The following TUBGCP3 variants were observed in gnomAD, a reference collection of about 807,000 sequenced individuals.
The protein encoded by TUBGCP3 is gamma-tubulin complex component 3.
TUBGCP3 carries 50 observed loss-of-function variants against 123.1 expected under a neutral mutation model. The ratio of observed to expected loss-of-function variants is 0.41; its 90% CI spans 0.32 to 0.51. The LOEUF is 0.51. TUBGCP3 is among the 20% of genes least tolerant of loss of function. TUBGCP3 has a pLI of 0.36. For synonymous variants in TUBGCP3, 405 were observed against 413.9 expected (o/e 0.98, Z 0.26); for missense variants, 882 against 1,127.0 (o/e 0.78, Z 3.11).
intron 9 of TUBGCP3, 35 bp from the exon 10 acceptor site, chr13:112,547,787 A>G (rs1375524859): frequency 7.1e-7 from 1 of 1,414,948 alleles, no homozygotes. Context: ...GTTTAAGTAC[A>G]AATAACCACA....
At position 112,504,180 on chromosome 13, in the gene TUBGCP3, T is replaced by TA. The variant is rs1373918321; in HGVS notation, c.2176-18dup. ...TTCAAGCACCTGGGAAACAACAATT[T>TA]AAAGACGCTAGATAAGCTCATGTCC... On this transcript the variant is annotated splice_polypyrimidine_tract_variant and intron_variant, in intron 18 of 21. Coordinates refer to ENST00000261965, the MANE Select transcript of TUBGCP3 (RefSeq NM_006322.6). 1.2e-6 allele frequency: 2 copies of TA among 1,614,032 alleles called. No homozygotes were observed.
At chr13:112,548,243 A>G (rs904425272) in intron 8 of TUBGCP3, 67 bp from the exon 9 acceptor site, 15 of 1,317,420 alleles carry the variant, frequency 1.1e-5, no homozygotes, top group Non-Finnish European at 1.6e-5. Context: ...TTTAAGTGGA[A>G]AGGTATAATG....
In TUBGCP3 at chr13:112,567,000, A is replaced by T. The variant is rs369941786; in HGVS notation, c.185-1822T>A. Reference sequence around the variant, plus strand: ...GAGCAGAGCTACCATAACTCAACTGATCTATCAACAACTGTAATCAAATTT... The same window carrying T: ...GAGCAGAGCTACCATAACTCAACTGTTCTATCAACAACTGTAATCAAATTT... On this transcript the variant is annotated intron_variant, in intron 2 of 21. Transcript: ENST00000261965. 2.6e-5 allele frequency among the ~76,000 whole-genome samples: 4 copies of T among 152,270 alleles called. No homozygotes were observed. The South Asian group carries it at 6.2e-4, about 24-fold the overall frequency.
chr13:112,572,741 T>A (rs1881511902), intron 1 of TUBGCP3, among the ~76,000 whole-genome samples: 1 of 152,054 alleles, frequency 6.6e-6, no homozygotes, highest in African/African-American at 2.4e-5. Context: ...AACAGCAGCA[T>A]CAAAGATCAC....
intron 8 of TUBGCP3, among the ~76,000 whole-genome samples, chr13:112,549,921 C>T (rs1292966969): frequency 7.6e-6 from 1 of 131,584 alleles, no homozygotes; most frequent in East Asian, 2.6e-4. Flanking sequence ...ACACAGGAGG[C>T]GGGGCTTGCA....
chr13:112,567,402 G>A (rs1307502271), intron 2 of TUBGCP3, among the ~76,000 whole-genome samples: 1 of 152,182 alleles, frequency 6.6e-6, no homozygotes, highest in East Asian at 1.9e-4. Flanking sequence ...ACGAGGCCAT[G>A]AAATGTAACT....
At chr13:112,582,554 G>A (rs369606757) in intron 1 of TUBGCP3, among the ~76,000 whole-genome samples, 73 of 152,326 alleles carry the variant, frequency 4.8e-4, no homozygotes, top group African/African-American at 1.1e-3. Context: ...AGGGAAGGGC[G>A]GCACTGGACA....
chr13:112,557,749 A>AG (rs1364650579), intron 5 of TUBGCP3, among the ~76,000 whole-genome samples: 1 of 152,226 alleles, frequency 6.6e-6, no homozygotes, highest in Non-Finnish European at 1.5e-5. Flanking sequence ...AAATGTCACG[A>AG]TCCTTAAAGA....
chr13:112,562,801 G>A (rs528383529), intron 3 of TUBGCP3, among the ~76,000 whole-genome samples: 1 of 152,336 alleles, frequency 6.6e-6, no homozygotes, highest in South Asian at 2.1e-4. Flanking sequence ...TGAATTGTAC[G>A]TGAAGAAAGT....
intron 21 of TUBGCP3, among the ~76,000 whole-genome samples, chr13:112,486,521 A>G (rs188542348): frequency 3.3e-5 from 5 of 152,376 alleles, no homozygotes; most frequent in Admixed American, 2.6e-4. Flanking sequence ...TCAGTGCCAC[A>G]TATTTCATCT....
intron 11 of TUBGCP3, among the ~76,000 whole-genome samples, chr13:112,543,573 G>C (rs190494695): frequency 6.6e-6 from 1 of 152,042 alleles, no homozygotes; most frequent in Non-Finnish European, 1.5e-5. Flanking sequence ...TCAAACCATA[G>C]AGTCATTTAA....
In TUBGCP3 at chr13:112,558,017, T is replaced by C. The variant is rs575084358; in HGVS notation, c.548+179A>G. On this transcript the variant is annotated intron_variant, in intron 5 of 21. Transcript: ENST00000261965. Reference sequence around the variant, plus strand: ...AGTGGAAGGAACTCCTGCTGTAGCATAGCTCTGAAGAGGAGTAACGTTCAG... The same window carrying C: ...AGTGGAAGGAACTCCTGCTGTAGCACAGCTCTGAAGAGGAGTAACGTTCAG... Among the ~76,000 whole-genome samples, 14 of 152,338 alleles carry C rather than the reference T, an allele frequency of 9.2e-5. No individual in the cohort carries two copies. The South Asian group carries it at 2.1e-3, about 23-fold the overall frequency.
rs754133192 is a variant in TUBGCP3 at position 112,504,585 on chromosome 13, G to A, written c.2175+41C>T. ...ATATACCATGTAAAAGCCAAGACAT[G>A]ACTTATTTAAACTAAAATCAACACA... On this transcript the variant is annotated intron_variant, in intron 18 of 21. Coordinates refer to ENST00000261965, the MANE Select transcript of TUBGCP3 (RefSeq NM_006322.6). 5.3e-6 allele frequency: 8 copies of A among 1,503,240 alleles called. No homozygotes were observed. In the African/African-American group the frequency reaches 9.7e-5, roughly 18 times the overall value. 93.1% of individuals were successfully genotyped at this position (1,503,240 alleles called of 1,614,324 possible). A position where few individuals can be genotyped will look rare whatever the true frequency, so the allele number is the denominator to read the frequency against.
At chr13:112,554,316 C>T (rs1406058648) in intron 7 of TUBGCP3, 134 bp from the exon 8 acceptor site, 3 of 1,095,750 alleles carry the variant, frequency 2.7e-6, no homozygotes, top group Non-Finnish European at 3.8e-6. Flanking sequence ...AACTAAGATC[C>T]CATCACTAAA....
At chr13:112,551,838 G>A (rs550364378) in intron 8 of TUBGCP3, among the ~76,000 whole-genome samples, 1 of 152,112 alleles carries the variant, frequency 6.6e-6, no homozygotes, top group South Asian at 2.1e-4. Context: ...TTGGCACCAG[G>A]GACTGGTTTT....
rs368385210 is a variant in TUBGCP3, at chr13:112,558,255, G to T, written c.489C>A (p.Ser163Arg). 1.9e-6 allele frequency: 3 copies of T among 1,612,746 alleles called. No individual in the cohort carries two copies. Among genetic ancestry groups the T allele is most frequent in the Non-Finnish European group, 2.5e-6 (3 of 1,180,042 alleles). The change falls in exon 5 of 22, where the codon AGC becomes AGA. Residue 163 changes from serine (S) to arginine (R), a missense_variant. Ser to Arg is a moderately radical substitution (Grantham distance 110). Coordinates refer to ENST00000261965, the MANE Select transcript of TUBGCP3 (RefSeq NM_006322.6). ...SSGSVGSSGI[S>R]SIGLCALSGP... is the part of the protein sequence containing the mutation. ...CACTGAGGGCACACAGGCCAATGCT[G>T]CTGATGCCACTGCTGCCCACGCTGC... is the stretch of plus-strand genomic sequence containing the variant.
Position 112,524,432 on chromosome 13 carries a change from C to T in TUBGCP3, c.1556-1923G>A, listed in dbSNP as rs1037054388. On this transcript the variant is annotated intron_variant, in intron 13 of 21. Transcript: ENST00000261965. This position sits in a 1 kb window ranked among gnomAD's most constrained non-coding sequence, Gnocchi z 4.4. ...TGGAGAGCCTCCGGCACAGCAGGCG[C>T]ATGGGGACGCCCTGTCCCAGGCACA... Among the ~76,000 whole-genome samples the T allele has an allele frequency of 1.3e-5, 2 of 152,220 alleles. No homozygotes were observed. The highest frequency in any genetic ancestry group is 2.9e-5 in the Non-Finnish European group (2 of 68,030).
chr13:112,544,415 T>G (rs1232965082), intron 11 of TUBGCP3: 1 of 132,018 alleles, frequency 7.6e-6, no homozygotes. Context: ...ATTGAGCCAC[T>G]GCACTCCAGC....
chr13:112,504,088 G>A lies in TUBGCP3; in HGVS notation c.2251C>T (p.His751Tyr). 6.2e-7 allele frequency: 1 copy of A among 1,614,134 alleles called. No individual in the cohort carries two copies. Among genetic ancestry groups the A allele is most frequent in the Non-Finnish European group, 8.5e-7 (1 of 1,180,022 alleles). The stretch of plus-strand genomic sequence containing the variant: ...ATGATGGTGTCTAAGAACACCTCGT[G>A]TGCAGCAATGATGTGATCCAAATCC... ...AQDLDHIIAA[H>Y]EVFLDTIISR... Residue 751 changes from histidine (H) to tyrosine (Y), a missense_variant, in exon 19 of 22, where the codon CAC becomes TAC. This residue lies in a region of TUBGCP3 where 160 missense variants were observed against 220.3 expected (regional missense o/e 0.73). Coordinates refer to ENST00000261965, the MANE Select transcript of TUBGCP3 (RefSeq NM_006322.6).
Sources: gnomAD v4.1 joint callset for allele counts (sites outside exome capture counted in the v4.1 genomes callset) on GRCh38, gnomAD v4.1.1 for gene constraint, gnomAD v4.1.1 regional missense constraint, Gnocchi (gnomAD v3.1) non-coding constraint, MANE v1.5 for transcripts, NCBI Gene and HGNC (gene_info 2026-07-23, HGNC 2026-07-21) for gene names.